TBC1D5: variants seen among roughly 807,000 people sequenced by gnomAD.
TBC1D5 encodes the protein TBC1 domain family, member 5.
A neutral mutation model predicts 100.3 loss-of-function variants in TBC1D5; 75 were observed. The ratio of observed to expected loss-of-function variants is 0.75; its 90% CI spans 0.62 to 0.91. The LOEUF is 0.91. Ranked by LOEUF, TBC1D5 falls within the 40% of genes least tolerant of loss-of-function variation. The probability of loss-of-function intolerance (pLI) is 0.00; values close to 1 mark genes in which losing one functional copy is unlikely to be tolerated. For synonymous variants in TBC1D5, 323 were observed against 325.6 expected, an observed-to-expected ratio of 0.99 and a Z score of 0.09; for missense variants, 910 against 942.4, an observed-to-expected ratio of 0.97 and a Z score of 0.45.
chr3:17,657,075 C>T (rs989228901), intron 1 of TBC1D5, among the ~76,000 whole-genome samples: 4 of 151,968 alleles, frequency 2.6e-5, no homozygotes, highest in South Asian at 2.1e-4. Flanking sequence ...AAAAAAGGCC[C>T]GAATTTGAAC....
chr3:17,723,833 G>C (rs967912021), intron 1 of TBC1D5, among the ~76,000 whole-genome samples: 1 of 152,046 alleles, frequency 6.6e-6, no homozygotes, highest in African/African-American at 2.4e-5. Context: ...GGAGTCAAAA[G>C]TTATCAATGG....
intron 19 of TBC1D5, among the ~76,000 whole-genome samples, chr3:17,180,930 AAAAAG>A (rs1222872106): frequency 1.3e-5 from 2 of 152,026 alleles, no homozygotes; most frequent in East Asian, 1.9e-4. Flanking sequence ...AAAAAAAAAA[AAAAAG>A]AAAAGAAAAC....
chr3:17,307,454 A>C (rs183493222), intron 14 of TBC1D5, among the ~76,000 whole-genome samples: 225 of 152,350 alleles, frequency 1.5e-3, no homozygotes, highest in African/African-American at 5.3e-3. Context: ...TACAGACACC[A>C]TAACATACAT....
Position 17,169,646 on chromosome 3 carries a change from C to G in TBC1D5, c.1853-1818G>C, listed in dbSNP as rs539776466. ...ATATAATTAGAGAGCAAATGTTTTT[C>G]GTTTCCTTAAAAGCCTGTAACAATT... On this transcript the variant is annotated intron_variant, in intron 19 of 21. Transcript: ENST00000253692. Among the ~76,000 whole-genome samples the G allele has an allele frequency of 5.5e-4, 83 of 152,202 alleles. 1 individual carries two copies. The South Asian group carries it at 0.016, about 30-fold the overall frequency.
intron 4 of TBC1D5, among the ~76,000 whole-genome samples, chr3:17,407,374 G>C (rs34892692): frequency 6.6e-6 from 1 of 151,870 alleles, no homozygotes; most frequent in African/African-American, 2.4e-5. Context: ...CTTGAGTAGA[G>C]GCTACTGAGA....
chr3:17,504,893 T>G (rs1381422904), intron 3 of TBC1D5, among the ~76,000 whole-genome samples: 1 of 152,200 alleles, frequency 6.6e-6, no homozygotes, highest in Non-Finnish European at 1.5e-5. Flanking sequence ...TATATCGACA[T>G]CAGTCAACTA....
intron 1 of TBC1D5, among the ~76,000 whole-genome samples, chr3:17,661,899 C>CA (rs2066697781): frequency 6.7e-6 from 1 of 149,986 alleles, no homozygotes; most frequent in African/African-American, 2.5e-5. Context: ...TCAACTCCCC[C>CA]TTTTTTTTTA....
At chr3:17,341,077 A>C (rs550848147) in intron 13 of TBC1D5, among the ~76,000 whole-genome samples, 1 of 152,352 alleles carries the variant, frequency 6.6e-6, no homozygotes, top group East Asian at 1.9e-4. Context: ...TATTTTCTGC[A>C]TATTATAAAA....
intron 3 of TBC1D5, among the ~76,000 whole-genome samples, chr3:17,430,961 T>A (rs1460172476): frequency 6.6e-6 from 1 of 151,916 alleles, no homozygotes; most frequent in Non-Finnish European, 1.5e-5. Flanking sequence ...TAAGCTATAA[T>A]ATGATAAAAA....
rs189974060 is a variant in TBC1D5 at position 17,290,669 on chromosome 3, T to G, written c.1245+1226A>C. On this transcript the variant is annotated intron_variant, in intron 15 of 21. Coordinates refer to ENST00000253692, the Ensembl canonical transcript of TBC1D5. ...ATTTTGTCATCTTGTGGGGTTTTTT[T>G]GGGGGTGTAGGGAGTATATAGTCAT... Among the ~76,000 whole-genome samples the G allele has an allele frequency of 4.5e-3, 686 of 152,308 alleles. 3 individuals are homozygous for G. The highest frequency in any genetic ancestry group is 8.6e-3 in the Non-Finnish European group (583 of 68,016).
intron 3 of TBC1D5, among the ~76,000 whole-genome samples, chr3:17,480,201 T>C (rs115281931): frequency 0.011 from 1,715 of 152,018 alleles, 25 homozygotes; most frequent in African/African-American, 0.039. Context: ...GGAGAGAGGG[T>C]GATGAGCAGC....
intron 1 of TBC1D5, among the ~76,000 whole-genome samples, chr3:17,698,166 A>G (rs1002719188): frequency 1.3e-5 from 2 of 152,228 alleles, no homozygotes; most frequent in African/African-American, 4.8e-5. Flanking sequence ...CAGTAACCAA[A>G]GAAGCATGGT....
chr3:17,697,535 A>T (rs1212568403), intron 1 of TBC1D5, among the ~76,000 whole-genome samples: 2 of 152,208 alleles, frequency 1.3e-5, no homozygotes, highest in African/African-American at 4.8e-5. Flanking sequence ...ATGCCTAAGA[A>T]TCCAACTTAC....
At chr3:17,290,318 C>A (rs2081598490) in intron 15 of TBC1D5, among the ~76,000 whole-genome samples, 1 of 152,100 alleles carries the variant, frequency 6.6e-6, no homozygotes, top group African/African-American at 2.4e-5. Flanking sequence ...CATGAAAGGG[C>A]ATTTAGGTTC....
chr3:17,560,614 G>A (rs2096552125), intron 2 of TBC1D5, among the ~76,000 whole-genome samples: 1 of 81,158 alleles, frequency 1.2e-5, no homozygotes, highest in South Asian at 4.2e-4. Context: ...GTAAAACCTT[G>A]TCTTTAAAAA....
chr3:17,418,868 T>C (rs1169746842), intron 4 of TBC1D5, among the ~76,000 whole-genome samples: 1 of 152,138 alleles, frequency 6.6e-6, no homozygotes, highest in Non-Finnish European at 1.5e-5. Flanking sequence ...CAGTTGGCCC[T>C]CCATACATGA....
intron 19 of TBC1D5, among the ~76,000 whole-genome samples, chr3:17,176,516 T>C (rs1411545251): frequency 2.0e-5 from 3 of 152,292 alleles, no homozygotes; most frequent in African/African-American, 7.2e-5. Context: ...GATATTAAGT[T>C]GGAAACCATC....
intron 13 of TBC1D5, among the ~76,000 whole-genome samples, chr3:17,331,936 G>C (rs957769357): frequency 6.6e-6 from 1 of 152,216 alleles, no homozygotes; most frequent in Admixed American, 6.5e-5. Context: ...GGCCCATGTA[G>C]GGCCTTATAG....
intron 2 of TBC1D5, among the ~76,000 whole-genome samples, chr3:17,565,675 T>C (rs180758473): frequency 7.2e-4 from 110 of 152,180 alleles, no homozygotes; most frequent in Non-Finnish European, 1.3e-3. Context: ...CAAAAAGAAA[T>C]AATCTCCTCA....
Sources: allele counts gnomAD v4.1 joint callset (sites outside exome capture counted in the v4.1 genomes callset), GRCh38; gene constraint gnomAD v4.1.1; transcripts MANE v1.5; gene names NCBI Gene and HGNC (gene_info 2026-07-23, HGNC 2026-07-21).